The following CA5B variants were observed in gnomAD, a reference collection of about 807,000 sequenced individuals.
CA5B encodes carbonic anhydrase 5B.
In CA5B, 15 loss-of-function variants were observed where a neutral mutation model predicts 23.1. The ratio of observed to expected loss-of-function variants is 0.65; its 90% confidence interval spans 0.43 to 1.00. The LOEUF (loss-of-function observed/expected upper bound fraction) is 1.00. CA5B is among the 50% of genes least tolerant of loss of function. The probability of loss-of-function intolerance (pLI) is 0.00; values close to 1 mark genes in which losing one functional copy is unlikely to be tolerated. For missense variants in CA5B, 236 were observed against 252.2 expected (o/e 0.94, Z 0.43); for synonymous variants, 84 against 98.5 (o/e 0.85, Z 0.87).
intron 6 of CA5B, chrX:15,776,146 G>A: frequency 3.2e-6 from 1 of 315,398 alleles, no homozygotes; most frequent in Non-Finnish European, 4.2e-6. Flanking sequence ...AGACTGTCCT[G>A]GCTAACACAG....
intron 1 of CA5B, among the ~76,000 whole-genome samples, chrX:15,743,358 A>G (rs111613774): frequency 9.0e-4 from 101 of 112,179 alleles, no homozygotes; most frequent in African/African-American, 2.9e-3. Context: ...TTTTTACTAG[A>G]CATATTCAAA....
intron 3 of CA5B, among the ~76,000 whole-genome samples, chrX:15,770,468 A>C (rs1931796047): frequency 9.1e-6 from 1 of 110,444 alleles, no homozygotes; most frequent in Non-Finnish European, 1.9e-5. Flanking sequence ...TTTTCTGTAG[A>C]GACTGGGTCT....
intron 1 of CA5B, among the ~76,000 whole-genome samples, chrX:15,742,730 T>C (rs939024203): frequency 8.9e-6 from 1 of 112,703 alleles, no homozygotes; most frequent in Non-Finnish European, 1.9e-5. Context: ...AAAATGTTAC[T>C]GCTCTGCTCG....
chrX:15,766,960 C>T (rs1381516819), intron 3 of CA5B: 6 of 369,053 alleles, frequency 1.6e-5, no homozygotes, highest in African/African-American at 5.2e-5. Context: ...CTTGTTTATA[C>T]GGATTCCAGA....
rs779402154 is a variant in CA5B, at chrX:15,750,053, TC to T, written c.31del (p.Leu11PhefsTer70). 1 of 1,209,470 alleles carries T rather than the reference TC, an allele frequency of 8.3e-7. No individual in the cohort carries two copies. The highest frequency in any genetic ancestry group is 1.8e-5 in the South Asian group (1 of 56,921). On this transcript the variant is annotated frameshift_variant, in exon 2 of 8. Coordinates refer to ENST00000318636, the MANE Select transcript of CA5B (RefSeq NM_007220.4). LOFTEE classifies it high-confidence loss of function. Reference protein sequence around the residue: MVVMNSLRVILQASPGKLLWR... With the variant: MVVMNSLRVIXQASPGKLLWR... ...TGGTGATGAACAGCCTGAGGGTCAT[TC>T]TTCAAGCCTCTCCAGGCAAATTGCT...
At position 15,784,555 on chromosome X, in the gene CA5B, A is replaced by G. The variant is rs899472803; in HGVS notation, c.*1891A>G. The G allele has an allele frequency of 2.7e-5, 3 of 112,257 alleles. No individual in the cohort carries two copies. The highest frequency in any genetic ancestry group is 9.7e-5 in the African/African-American group (3 of 30,859). The allele number at this position is 112,257 out of a possible 1,213,427, so 9.3% of individuals were successfully genotyped here. ...AATGTTTCTGAATGCCTCTAAGCCT[A>G]TGTTCAGACTCTGTTGCGTCAATGA... On this transcript the variant is annotated 3_prime_UTR_variant, in exon 8 of 8. Coordinates refer to ENST00000318636, the MANE Select transcript of CA5B (RefSeq NM_007220.4).
chrX:15,769,389 A>G (rs1267470766), intron 3 of CA5B: 2 of 568,589 alleles, frequency 3.5e-6, no homozygotes, highest in African/African-American at 2.5e-5. Context: ...ATGAGTGCAT[A>G]TAAGAGAGTC....
intron 2 of CA5B, among the ~76,000 whole-genome samples, chrX:15,760,248 A>G (rs1475434121): frequency 1.8e-5 from 2 of 111,510 alleles, no homozygotes; most frequent in Non-Finnish European, 3.8e-5. Flanking sequence ...TTGCTTAAAT[A>G]GAGGAAAAGG....
intron 1 of CA5B, among the ~76,000 whole-genome samples, chrX:15,740,554 G>A (rs989853827): frequency 8.9e-6 from 1 of 112,223 alleles, no homozygotes; most frequent in African/African-American, 3.2e-5. Context: ...CAAGCTCTGC[G>A]CCTTCCTTGA....
Position 15,765,644 on chromosome X carries a change from C to T in CA5B, c.340+869C>T, listed in dbSNP as rs142380280. 1.5e-3 allele frequency among the ~76,000 whole-genome samples: 159 copies of T among 109,545 alleles called. 1 individual carries two copies. The East Asian group carries it at 0.036, about 25-fold the overall frequency. ...ATACCCCTCCATATCCCTCACTCCC[C>T]GCTGTAGGATCCGAAGGCGTTTTTC... is the stretch of plus-strand genomic sequence containing the variant. On this transcript the variant is annotated intron_variant, in intron 3 of 7. Transcript: ENST00000318636.
At chrX:15,761,369 G>C (rs975250888) in intron 2 of CA5B, among the ~76,000 whole-genome samples, 1 of 111,918 alleles carries the variant, frequency 8.9e-6, no homozygotes, top group Non-Finnish European at 1.9e-5. Flanking sequence ...AACAAAAAAG[G>C]AGGAAGATGT....
intron 3 of CA5B, among the ~76,000 whole-genome samples, chrX:15,771,864 A>AT (rs202030474): frequency 0.053 from 5,543 of 104,993 alleles, 246 homozygotes; most frequent in East Asian, 0.17. Flanking sequence ...CATGCTTACC[A>AT]TTTTTTTTTT....
chrX:15,744,473 G>T lies in CA5B; in HGVS notation c.-53-5498G>T, dbSNP rs746497180. Among the ~76,000 whole-genome samples, 142 of 112,298 alleles carry T rather than the reference G, an allele frequency of 1.3e-3. 1 individual carries two copies. Among genetic ancestry groups the T allele is most frequent in the Middle Eastern group, 4.6e-3 (1 of 218 alleles). ...TCACAAGCTTCCCTTTGAAGGCAGA[G>T]CCCACACATCCTTTCTGTTGACTTT... On this transcript the variant is annotated intron_variant, in intron 1 of 7. Transcript: ENST00000318636.
chrX:15,756,593 G>A (rs1362260436), intron 2 of CA5B, among the ~76,000 whole-genome samples: 2 of 112,537 alleles, frequency 1.8e-5, no homozygotes, highest in Admixed American at 9.4e-5. Flanking sequence ...TAAGGAAAAG[G>A]AAGGGCTTCT....
At chrX:15,748,692 A>C (rs1931287565) in intron 1 of CA5B, among the ~76,000 whole-genome samples, 1 of 100,021 alleles carries the variant, frequency 1.0e-5, no homozygotes, top group South Asian at 5.2e-4. Flanking sequence ...AGACCAGCCC[A>C]GGTAATATAG....
chrX:15,745,543 AAAG>A (rs1312719605), intron 1 of CA5B: 3 of 112,771 alleles, frequency 2.7e-5, no homozygotes, highest in Non-Finnish European at 5.6e-5. Context: ...GGTAACAAAA[AAAG>A]AAGTATTTGT....
At chrX:15,781,927 C>G (rs68039732) in intron 7 of CA5B, among the ~76,000 whole-genome samples, 1 of 75,717 alleles carries the variant, frequency 1.3e-5, no homozygotes, top group Non-Finnish European at 2.7e-5. Flanking sequence ...TTAAAAAAAA[C>G]AAAAAAAAAA....
chrX:15,740,160 A>G (rs946187471), intron 1 of CA5B, among the ~76,000 whole-genome samples: 2 of 112,033 alleles, frequency 1.8e-5, no homozygotes, highest in Non-Finnish European at 3.8e-5. Flanking sequence ...AAGGATATAC[A>G]TAAATCATCA....
chrX:15,781,992 A>G (rs1399373556), intron 7 of CA5B, among the ~76,000 whole-genome samples: 1 of 111,719 alleles, frequency 9.0e-6, no homozygotes, highest in Admixed American at 9.5e-5. Context: ...TTTGCCCACA[A>G]TACCCAGGTG....
Sources: allele counts gnomAD v4.1 joint callset (sites outside exome capture counted in the v4.1 genomes callset), GRCh38; gene constraint gnomAD v4.1.1; transcripts MANE v1.5; gene names NCBI Gene and HGNC (gene_info 2026-07-23, HGNC 2026-07-21).